TNIK: variants seen among roughly 807,000 people sequenced by gnomAD.
The protein encoded by TNIK is TRAF2 and NCK-interacting protein kinase.
In TNIK, 49 loss-of-function variants were observed where a neutral mutation model predicts 191.3. The observed-to-expected ratio is 0.26, with a 90% CI of 0.20 to 0.32. The LOEUF is 0.32. Among genes scored for constraint, TNIK ranks in the 10% least tolerant of loss-of-function variants. TNIK has a pLI of 1.00. For synonymous variants in TNIK, 594 were observed against 600.9 expected (o/e 0.99, Z 0.17); for missense variants, 1,155 against 1,702.3 (o/e 0.68, Z 5.66).
intron 3 of TNIK, among the ~76,000 whole-genome samples, chr3:171,214,299 G>T (rs1358165395): frequency 6.6e-6 from 1 of 151,906 alleles, no homozygotes; most frequent in Non-Finnish European, 1.5e-5. Context: ...AGGGAGATGA[G>T]TTACAATGCT....
At chr3:171,247,915 A>G (rs1379702302) in intron 2 of TNIK, among the ~76,000 whole-genome samples, 1 of 152,220 alleles carries the variant, frequency 6.6e-6, no homozygotes, top group East Asian at 1.9e-4. Flanking sequence ...ATGTGGAGGC[A>G]AAGAGGGTAG....
At chr3:171,364,009 T>C (rs1715347849) in intron 2 of TNIK, among the ~76,000 whole-genome samples, 1 of 152,222 alleles carries the variant, frequency 6.6e-6, no homozygotes, top group African/African-American at 2.4e-5. Context: ...ACAAAAAGTA[T>C]AGGATTAGCA....
chr3:171,294,253 A>T (rs1752009977), intron 2 of TNIK, among the ~76,000 whole-genome samples: 1 of 151,474 alleles, frequency 6.6e-6, no homozygotes, highest in Admixed American at 6.6e-5. Context: ...AACAACAACA[A>T]ATAAAACAAA....
At chr3:171,425,336 A>AC (rs1349532446) in intron 1 of TNIK, among the ~76,000 whole-genome samples, 6 of 152,170 alleles carry the variant, frequency 3.9e-5, no homozygotes, top group Non-Finnish European at 8.8e-5. Context: ...ACTTTTTAAC[A>AC]CCCCTATGGC....
intron 1 of TNIK, among the ~76,000 whole-genome samples, chr3:171,449,235 T>C (rs1727882359): frequency 6.6e-6 from 1 of 152,030 alleles, no homozygotes; most frequent in South Asian, 2.1e-4. Flanking sequence ...GCCTTTACAG[T>C]AGAATGAATT....
At chr3:171,156,888 T>C (rs1334812777) in intron 12 of TNIK, among the ~76,000 whole-genome samples, 2 of 152,222 alleles carry the variant, frequency 1.3e-5, no homozygotes, top group African/African-American at 2.4e-5. Context: ...ATTCCACTTA[T>C]CTGCTTATTC....
At chr3:171,102,410 ACCTTTAG>A (rs142791737) in intron 21 of TNIK, among the ~76,000 whole-genome samples, 28 of 152,284 alleles carry the variant, frequency 1.8e-4, no homozygotes, top group African/African-American at 6.3e-4. Flanking sequence ...GTATGATGAA[ACCTTTAG>A]CCTTATGGAT....
chr3:171,100,854 G>C (rs1391453595), intron 22 of TNIK, among the ~76,000 whole-genome samples: 1 of 151,726 alleles, frequency 6.6e-6, no homozygotes, highest in African/African-American at 2.4e-5. Context: ...CTGACAGTAT[G>C]TGGCAAAGAC....
chr3:171,377,541 C>A (rs969868537), intron 1 of TNIK, among the ~76,000 whole-genome samples: 1 of 152,166 alleles, frequency 6.6e-6, no homozygotes, highest in Non-Finnish European at 1.5e-5. Flanking sequence ...TTGGGATAGG[C>A]CATAGCCTAA....
intron 7 of TNIK, among the ~76,000 whole-genome samples, chr3:171,183,836 G>A (rs1002152546): frequency 6.7e-5 from 10 of 149,082 alleles, no homozygotes; most frequent in Non-Finnish European, 1.0e-4. Context: ...CAGGAGAATC[G>A]CTTGAACCCA....
At chr3:171,416,385 G>T (rs977946669) in intron 1 of TNIK, among the ~76,000 whole-genome samples, 1 of 151,900 alleles carries the variant, frequency 6.6e-6, no homozygotes, top group African/African-American at 2.4e-5. Context: ...GAGACAACTG[G>T]ACAGGTCTCT....
At chr3:171,331,986 C>G (rs765304147) in intron 2 of TNIK, among the ~76,000 whole-genome samples, 3 of 148,874 alleles carry the variant, frequency 2.0e-5, no homozygotes, top group Non-Finnish European at 4.4e-5. Flanking sequence ...TCACTACTAT[C>G]TTTGCAACTT....
At chr3:171,451,583 T>C (rs1288924582) in intron 1 of TNIK, among the ~76,000 whole-genome samples, 3 of 152,224 alleles carry the variant, frequency 2.0e-5, no homozygotes, top group Non-Finnish European at 4.4e-5. Context: ...CATCTCACCT[T>C]AGACCTAAAT....
At chr3:171,078,977 T>C (rs1226373428) in intron 28 of TNIK, among the ~76,000 whole-genome samples, 1 of 152,206 alleles carries the variant, frequency 6.6e-6, no homozygotes, top group East Asian at 1.9e-4. Context: ...GAGACTGGGT[T>C]CTGGAAGACT....
At chr3:171,383,761 G>A (rs888490542) in intron 1 of TNIK, among the ~76,000 whole-genome samples, 2 of 152,152 alleles carry the variant, frequency 1.3e-5, no homozygotes, top group Non-Finnish European at 2.9e-5. Flanking sequence ...TAATTCTGTG[G>A]CGTTTCAGCC....
chr3:171,142,204 C>A (rs1286005231), intron 12 of TNIK, among the ~76,000 whole-genome samples: 1 of 152,206 alleles, frequency 6.6e-6, no homozygotes, highest in African/African-American at 2.4e-5. Context: ...GGACTTCATG[C>A]AGCCAAATGA....
intron 3 of TNIK, among the ~76,000 whole-genome samples, chr3:171,217,918 G>A (rs1320546308): frequency 6.6e-6 from 1 of 152,136 alleles, no homozygotes; most frequent in Non-Finnish European, 1.5e-5. Flanking sequence ...CCAAGGTCGT[G>A]TGGCTGGAGA....
intron 2 of TNIK, among the ~76,000 whole-genome samples, chr3:171,247,998 G>A (rs1341701534): frequency 6.6e-6 from 1 of 152,036 alleles, no homozygotes; most frequent in Non-Finnish European, 1.5e-5. Context: ...CAGGCTGGGA[G>A]GAAAGGGGCA....
intron 1 of TNIK, among the ~76,000 whole-genome samples, chr3:171,456,654 G>A (rs2108744552): frequency 6.6e-6 from 1 of 152,296 alleles, no homozygotes; most frequent in South Asian, 2.1e-4. Flanking sequence ...AGTAGGCATT[G>A]AACCAGGGCT....
Sources: gnomAD v4.1 joint callset for allele counts (sites outside exome capture counted in the v4.1 genomes callset) on GRCh38, gnomAD v4.1.1 for gene constraint, MANE v1.5 for transcripts, NCBI Gene and HGNC (gene_info 2026-07-23, HGNC 2026-07-21) for gene names.